Variants in SRRM3 observed in about 807,000 individuals in gnomAD.
SRRM3 encodes serine/arginine repetitive matrix protein 3.
SRRM3 carries 27 observed loss-of-function variants against 66.2 expected under a neutral mutation model. That is an observed-to-expected ratio of 0.41 (90% CI 0.30 to 0.56). SRRM3 has a LOEUF of 0.56. Ranked by LOEUF, SRRM3 falls within the 20% of genes least tolerant of loss-of-function variation. The pLI, the probability that SRRM3 is intolerant of heterozygous loss-of-function variation, is 0.32. For synonymous variants in SRRM3, 391 were observed against 414.9 expected (o/e 0.94, Z 0.70); for missense variants, 918 against 991.9 (o/e 0.93, Z 1.00).
At chr7:76,203,743 T>A (rs1487899536) in intron 1 of SRRM3, among the ~76,000 whole-genome samples, 1 of 151,800 alleles carries the variant, frequency 6.6e-6, no homozygotes, top group Non-Finnish European at 1.5e-5. Flanking sequence ...CTTGAGTGAC[T>A]TTCCCAAGGT....
At chr7:76,256,121 G>A (rs182086836) in intron 3 of SRRM3, among the ~76,000 whole-genome samples, 41 of 152,286 alleles carry the variant, frequency 2.7e-4, no homozygotes, top group Admixed American at 2.0e-3. Context: ...AACCCCAAGA[G>A]AGGGTTCTTG....
intron 1 of SRRM3, among the ~76,000 whole-genome samples, chr7:76,230,092 T>C (rs1234125796): frequency 6.6e-6 from 1 of 152,136 alleles, no homozygotes; most frequent in Non-Finnish European, 1.5e-5. Context: ...TGAGTCCTTT[T>C]AGATTCTGAC....
intron 1 of SRRM3, among the ~76,000 whole-genome samples, chr7:76,215,541 A>G (rs2116948673): frequency 6.6e-6 from 1 of 151,020 alleles, no homozygotes; most frequent in South Asian, 2.1e-4. Flanking sequence ...AGCTGGGACT[A>G]CAGGCGTGCA....
intron 11 of SRRM3, chr7:76,268,341 G>C (rs1252583122): frequency 7.1e-6 from 1 of 140,392 alleles, no homozygotes; most frequent in Admixed American, 7.3e-5. Context: ...GTACACAGTT[G>C]AGACCCCTCA....
At chr7:76,231,103 G>C (rs1801004078) in intron 1 of SRRM3, among the ~76,000 whole-genome samples, 1 of 152,086 alleles carries the variant, frequency 6.6e-6, no homozygotes, top group Non-Finnish European at 1.5e-5. Flanking sequence ...GGGACCCTGT[G>C]CGTGCAGTCC....
chr7:76,248,138 G>A, intron 2 of SRRM3, 50 bp from the exon 3 acceptor site: 3 of 1,505,488 alleles, frequency 2.0e-6, no homozygotes, highest in Non-Finnish European at 1.8e-6. Context: ...CAGGAAAGAG[G>A]GAACCAAATC....
chr7:76,223,282 C>T (rs1800770406), intron 1 of SRRM3, among the ~76,000 whole-genome samples: 3 of 152,192 alleles, frequency 2.0e-5, no homozygotes, highest in South Asian at 2.1e-4. Flanking sequence ...CCCAGCCCCA[C>T]GCTCTTGGGC....
At chr7:76,220,251 C>T (rs558993326) in intron 1 of SRRM3, among the ~76,000 whole-genome samples, 26 of 152,220 alleles carry the variant, frequency 1.7e-4, no homozygotes, top group African/African-American at 5.3e-4. Context: ...TGCTAGATTG[C>T]GAGTAGTAGC....
chr7:76,283,509 C>G, intron 14 of SRRM3: 1 of 436,484 alleles, frequency 2.3e-6, no homozygotes, highest in Non-Finnish European at 4.5e-6. Context: ...GTCTCCTTTT[C>G]TCCTTCATCT....
At position 76,248,207 on chromosome 7, in the gene SRRM3, C is replaced by A. The variant is rs782123915; in HGVS notation, c.253C>A (p.Arg85=). 3.7e-6 allele frequency: 6 copies of A among 1,613,450 alleles called. No homozygotes were observed. The highest frequency in any genetic ancestry group is 5.1e-6 in the Non-Finnish European group (6 of 1,179,728). ...CTGCAGGTATTCGGAGGAGGAGATTCGGCAGAAAGTGGGGACATTCCGGCA... is the reference window on the plus strand; with the variant it reads ...CTGCAGGTATTCGGAGGAGGAGATTAGGCAGAAAGTGGGGACATTCCGGCA... The part of the protein sequence containing the change: ...EEQGYSEEEI[R]QKVGTFRQML... Residue 85 remains arginine (R), a synonymous_variant, in exon 3 of 15, where the codon CGG becomes AGG. Transcript: ENST00000611745.
chr7:76,241,297 G>A (rs2117011933), intron 2 of SRRM3, among the ~76,000 whole-genome samples: 1 of 152,302 alleles, frequency 6.6e-6, no homozygotes, highest in Non-Finnish European at 1.5e-5. Context: ...GGGAGCAAGT[G>A]GTTTGGGTAG....
At chr7:76,284,332 G>A (rs1325282503) in intron 14 of SRRM3, among the ~76,000 whole-genome samples, 2 of 151,858 alleles carry the variant, frequency 1.3e-5, no homozygotes, top group African/African-American at 4.8e-5. Flanking sequence ...CCACCACCAC[G>A]CCCAGCTAAT....
At chr7:76,274,771 C>T (rs1802299600) in intron 11 of SRRM3, among the ~76,000 whole-genome samples, 2 of 152,328 alleles carry the variant, frequency 1.3e-5, no homozygotes, top group South Asian at 4.1e-4. Context: ...CACCCCTGCC[C>T]TTTAAACTGT....
chr7:76,235,153 G>C lies in SRRM3; in HGVS notation c.87G>C (p.Ser29=), dbSNP rs782089817. The change falls in exon 2 of 15, where the codon TCG becomes TCC. Residue 29 remains serine, a synonymous_variant. Coordinates refer to ENST00000611745, the MANE Select transcript of SRRM3 (RefSeq NM_001110199.3). ...ANGFPQPSSS[S]GTWPRAEEEL... ...GCTTCCCGCAGCCCAGCTCCTCCTC[G>C]GGGACCTGGCCGCGGGCGGAAGAGG... 44 of 1,559,750 alleles carry C rather than the reference G, an allele frequency of 2.8e-5. No homozygotes were observed. In the African/African-American group the frequency reaches 4.4e-4, roughly 15 times the overall value.
Position 76,265,826 on chromosome 7 carries a change from A to ATT in SRRM3, c.830+360_830+361dup, listed in dbSNP as rs1402005013. Among the ~76,000 whole-genome samples the ATT allele has an allele frequency of 2.2e-4, 9 of 40,218 alleles. 1 individual carries two copies. The highest frequency in any genetic ancestry group is 2.1e-3 in the Admixed American group (6 of 2,922). The allele number at this position is 40,218 out of a possible 152,430, so 26.4% of individuals were successfully genotyped here. A position where few individuals can be genotyped will look rare whatever the true frequency, so the allele number is the denominator to read the frequency against. On this transcript the variant is annotated intron_variant, in intron 10 of 14. Transcript: ENST00000611745. ...TATATATTTTATATATTTAATAAAT[A>ATT]TTTATATATATATATATATATATAT...
chr7:76,220,096 C>T (rs536549884), intron 1 of SRRM3, among the ~76,000 whole-genome samples: 24 of 152,294 alleles, frequency 1.6e-4, no homozygotes, highest in East Asian at 1.9e-4. Context: ...GAGCTCCCAT[C>T]GGTGCAAACA....
At chr7:76,234,513 C>T (rs1801092449) in intron 1 of SRRM3, among the ~76,000 whole-genome samples, 1 of 152,136 alleles carries the variant, frequency 6.6e-6, no homozygotes, top group Non-Finnish European at 1.5e-5. Context: ...GAGTAGGCTT[C>T]CATCTTCCCC....
intron 1 of SRRM3, among the ~76,000 whole-genome samples, chr7:76,211,424 G>GT (rs1457077915): frequency 1.3e-5 from 2 of 151,756 alleles, no homozygotes; most frequent in African/African-American, 4.8e-5. Context: ...GGGGGGCGGG[G>GT]GGGGAATTAT....
chr7:76,260,260 C>T, intron 5 of SRRM3, 63 bp downstream of exon 5: 4 of 1,288,670 alleles, frequency 3.1e-6, no homozygotes, highest in Admixed American at 2.6e-5. Flanking sequence ...CCCGGATGCC[C>T]GTCCCTGGCT....
Sources: allele counts gnomAD v4.1 joint callset (sites outside exome capture counted in the v4.1 genomes callset), GRCh38; gene constraint gnomAD v4.1.1; transcripts MANE v1.5; gene names NCBI Gene and HGNC (gene_info 2026-07-23, HGNC 2026-07-21).